ZSWIM6: variants seen among roughly 807,000 people sequenced by gnomAD.
ZSWIM6 encodes zinc finger SWIM domain-containing protein 6.
In ZSWIM6, 9 loss-of-function variants were observed where a neutral mutation model predicts 113.2. The observed-to-expected ratio is 0.08, with a 90% CI of 0.05 to 0.14. The LOEUF is 0.14. ZSWIM6 is among the 10% of genes least tolerant of loss of function. The probability of loss-of-function intolerance (pLI) is 1.00; values close to 1 mark genes in which losing one functional copy is unlikely to be tolerated. For synonymous variants in ZSWIM6, 611 were observed against 606.5 expected (o/e 1.01, Z -0.11); for missense variants, 1,162 against 1,552.2 (o/e 0.75, Z 4.22).
chr5:61,534,523 G>A (rs969342372), intron 9 of ZSWIM6, among the ~76,000 whole-genome samples: 1 of 152,184 alleles, frequency 6.6e-6, no homozygotes, highest in Non-Finnish European at 1.5e-5. Context: ...CCTCTGAGCA[G>A]TGGTGTCATG....
chr5:61,356,633 G>A (rs1017441221), intron 1 of ZSWIM6, among the ~76,000 whole-genome samples: 5 of 144,914 alleles, frequency 3.5e-5, no homozygotes, highest in African/African-American at 5.1e-5. Flanking sequence ...GGCTTTTATA[G>A]TAATAAGCTG....
At chr5:61,387,136 A>G (rs961724128) in intron 1 of ZSWIM6, among the ~76,000 whole-genome samples, 1 of 152,184 alleles carries the variant, frequency 6.6e-6, no homozygotes. Flanking sequence ...TAGATTGGCC[A>G]TCTGCTTTTG....
rs1327383524 is a variant in ZSWIM6, at chr5:61,332,302, C to T, written c.30C>T (p.Pro10=). 4 of 1,166,460 alleles carry T rather than the reference C, an allele frequency of 3.4e-6. No individual in the cohort carries two copies. The highest frequency in any genetic ancestry group is 8.4e-5 in the South Asian group (2 of 23,906). The allele number at this position is 1,166,460 out of a possible 1,614,324, so 72.3% of individuals were successfully genotyped here. The change falls in exon 1 of 14, where the codon CCC becomes CCT. Residue 10 remains proline, a synonymous_variant. Transcript: ENST00000252744. MAERGQQPP[P]AKRLCCRPGG... is the part of the protein sequence containing the mutation. ...CGGAGCGCGGACAGCAGCCTCCTCC[C>T]GCGAAACGGCTTTGCTGCCGGCCGG... is the stretch of plus-strand genomic sequence containing the variant.
rs1473457246 is a variant in ZSWIM6 at position 61,525,849 on chromosome 5, A to C, written c.1563A>C (p.Ala521=). The part of the protein sequence containing the change: ...HRTVFTRAIE[A]CDLHWQDSHL... ...CAGTGTTCACCCGAGCCATCGAGGC[A>C]TGCGATCTCCACTGGCAGGATAGCC... The change falls in exon 6 of 14, where the codon GCA becomes GCC. Residue 521 remains alanine (A), a synonymous_variant. Transcript: ENST00000252744. 3.2e-6 allele frequency: 5 copies of C among 1,551,890 alleles called. No homozygotes were observed. Among genetic ancestry groups the C allele is most frequent in the Non-Finnish European group, 4.4e-6 (5 of 1,147,012 alleles).
intron 1 of ZSWIM6, among the ~76,000 whole-genome samples, chr5:61,365,908 T>C (rs1342417062): frequency 6.6e-6 from 1 of 152,136 alleles, no homozygotes; most frequent in Non-Finnish European, 1.5e-5. Context: ...CCTCCAAATG[T>C]ATCGTCTATC....
intron 2 of ZSWIM6, among the ~76,000 whole-genome samples, chr5:61,488,119 A>G (rs1228851008): frequency 6.6e-6 from 1 of 151,978 alleles, no homozygotes; most frequent in Non-Finnish European, 1.5e-5. Context: ...TTTTCTGTCT[A>G]TTGAGATAAT....
intron 1 of ZSWIM6, chr5:61,391,722 C>G: frequency 1.7e-6 from 2 of 1,153,688 alleles, no homozygotes; most frequent in Admixed American, 3.4e-5. Flanking sequence ...TCATGCCAGC[C>G]TTGTATCCCA....
rs374763784 is a variant in ZSWIM6, at chr5:61,375,747, TGAA to T, written c.676+42803_676+42805del. 7.8e-5 allele frequency: 120 copies of T among 1,531,482 alleles called. 2 individuals carry two copies. The African/African-American group carries it at 1.1e-3, about 14-fold the overall frequency. 94.9% of individuals were successfully genotyped at this position (1,531,482 alleles called of 1,614,324 possible). ...TGCAAGCAAAAAAGAAGAAAAGCAG[TGAA>T]GAACGAGAAAAAGCAACAGAAAAAA... On this transcript the variant is annotated intron_variant, in intron 1 of 13. Transcript: ENST00000252744.
chr5:61,374,089 G>A (rs1363129222), intron 1 of ZSWIM6, among the ~76,000 whole-genome samples: 1 of 152,118 alleles, frequency 6.6e-6, no homozygotes, highest in Admixed American at 6.5e-5. Context: ...AATTCTGTAG[G>A]AATGTTGGAG....
At chr5:61,416,716 AT>A (rs1209789739) in intron 1 of ZSWIM6, among the ~76,000 whole-genome samples, 1 of 152,262 alleles carries the variant, frequency 6.6e-6, no homozygotes, top group Non-Finnish European at 1.5e-5. Context: ...CCACCATTAG[AT>A]TGCAAGACAG....
intron 4 of ZSWIM6, among the ~76,000 whole-genome samples, chr5:61,520,882 T>C (rs1404879086): frequency 2.0e-5 from 3 of 152,156 alleles, no homozygotes; most frequent in Non-Finnish European, 2.9e-5. Context: ...GTATATGTTA[T>C]TGGCATTTTT....
At chr5:61,534,728 A>T (rs149060867) in intron 9 of ZSWIM6, among the ~76,000 whole-genome samples, 1 of 152,170 alleles carries the variant, frequency 6.6e-6, no homozygotes, top group Non-Finnish European at 1.5e-5. Flanking sequence ...GGGAGCACAC[A>T]GGGGAAGTCA....
chr5:61,467,936 T>C (rs1207392103), intron 1 of ZSWIM6, among the ~76,000 whole-genome samples: 1 of 152,096 alleles, frequency 6.6e-6, no homozygotes. Flanking sequence ...CCCTCAAGAT[T>C]CCAGTAGCTT....
rs1167307394 is a variant in ZSWIM6 at position 61,375,680 on chromosome 5, T to C, written c.676+42732T>C. ...AAGATGTATTCTGAAGATAAACCTT[T>C]ATCATCTGAGTCCTTGTCAGAATCA... On this transcript the variant is annotated intron_variant, in intron 1 of 13. Coordinates refer to ENST00000252744, the MANE Select transcript of ZSWIM6 (RefSeq NM_020928.2). 8 of 1,547,406 alleles carry C rather than the reference T, an allele frequency of 5.2e-6. No homozygotes were observed. The East Asian group carries it at 1.7e-4, about 33-fold the overall frequency.
chr5:61,418,857 T>G (rs1355319501), intron 1 of ZSWIM6, among the ~76,000 whole-genome samples: 1 of 152,234 alleles, frequency 6.6e-6, no homozygotes, highest in East Asian at 1.9e-4. Context: ...AGTCTTGCCC[T>G]GTCGCCCAGG....
intron 1 of ZSWIM6, among the ~76,000 whole-genome samples, chr5:61,395,862 G>A (rs531420998): frequency 6.6e-6 from 1 of 152,224 alleles, no homozygotes; most frequent in Non-Finnish European, 1.5e-5. Flanking sequence ...ACTCAGTGCA[G>A]GTGGGGGTGT....
At chr5:61,460,316 T>C (rs1315414454) in intron 1 of ZSWIM6, among the ~76,000 whole-genome samples, 1 of 152,206 alleles carries the variant, frequency 6.6e-6, no homozygotes, top group East Asian at 1.9e-4. Flanking sequence ...TGGTTTGTTT[T>C]TTTTTAATAT....
intron 6 of ZSWIM6, 106 bp from the exon 7 acceptor site, chr5:61,526,144 T>A: frequency 4.9e-6 from 7 of 1,440,020 alleles, no homozygotes; most frequent in Non-Finnish European, 6.5e-6. Flanking sequence ...GAATGGTTTC[T>A]TGTGTCTTTT....
chr5:61,422,439 G>T (rs1465088893), intron 1 of ZSWIM6, among the ~76,000 whole-genome samples: 1 of 152,092 alleles, frequency 6.6e-6, no homozygotes, highest in Non-Finnish European at 1.5e-5. Flanking sequence ...CTATTTTTAT[G>T]CTGGCACTGT....
Sources: allele counts gnomAD v4.1 joint callset (sites outside exome capture counted in the v4.1 genomes callset), GRCh38; gene constraint gnomAD v4.1.1; transcripts MANE v1.5; gene names NCBI Gene and HGNC (gene_info 2026-07-23, HGNC 2026-07-21).